RAB27A: variants seen among roughly 807,000 people sequenced by gnomAD.
RAB27A encodes the protein RAB27A, member RAS oncogene family, also known as ras-related protein Rab-27A.
A neutral mutation model predicts 20.8 loss-of-function variants in RAB27A; 17 were observed. That is an observed-to-expected ratio of 0.82 (90% CI 0.56 to 1.23). The LOEUF (loss-of-function observed/expected upper bound fraction) is 1.23. Among genes scored for constraint, RAB27A ranks in the 50% most tolerant of loss-of-function variants. The probability of loss-of-function intolerance (pLI) is 0.00; values close to 1 mark genes in which losing one functional copy is unlikely to be tolerated. For missense variants in RAB27A, 277 were observed against 266.7 expected (o/e 1.04, Z -0.27); for synonymous variants, 85 against 92.8 (o/e 0.92, Z 0.48).
At chr15:55,226,034 G>A (rs975209655) in intron 5 of RAB27A, among the ~76,000 whole-genome samples, 2 of 152,192 alleles carry the variant, frequency 1.3e-5, no homozygotes, top group Non-Finnish European at 2.9e-5. Flanking sequence ...AGAATAATGG[G>A]AATAAAAAAT....
intron 2 of RAB27A, among the ~76,000 whole-genome samples, chr15:55,250,356 T>C (rs1224245826): frequency 6.6e-6 from 1 of 152,246 alleles, no homozygotes; most frequent in African/African-American, 2.4e-5. Context: ...AGTTATTTAC[T>C]TATGCTACTT....
intron 3 of RAB27A, among the ~76,000 whole-genome samples, chr15:55,233,471 C>A (rs1297075566): frequency 4.6e-5 from 7 of 152,036 alleles, no homozygotes; most frequent in Non-Finnish European, 8.8e-5. Context: ...AATGGTGTAT[C>A]AATACAATAG....
At chr15:55,229,521 C>A (rs1318297784) in intron 4 of RAB27A, among the ~76,000 whole-genome samples, 1 of 151,888 alleles carries the variant, frequency 6.6e-6, no homozygotes, top group African/African-American at 2.4e-5. Flanking sequence ...ACTAAAAATA[C>A]AAAATTAGCT....
intron 2 of RAB27A, among the ~76,000 whole-genome samples, chr15:55,311,265 C>G (rs1340590400): frequency 6.6e-6 from 1 of 152,212 alleles, no homozygotes; most frequent in African/African-American, 2.4e-5. Context: ...CCTTGTAAAA[C>G]CTCAACATAG....
At position 55,237,146 on chromosome 15, in the gene RAB27A, G is replaced by A. The variant is rs112628432; in HGVS notation, c.-22-2190C>T. Among the ~76,000 whole-genome samples, 823 of 152,150 alleles carry A rather than the reference G, an allele frequency of 5.4e-3. 10 individuals carry two copies. The highest frequency in any genetic ancestry group is 0.019 in the African/African-American group (801 of 41,502). On this transcript the variant is annotated intron_variant, in intron 2 of 6. Coordinates refer to ENST00000336787, the MANE Select transcript of RAB27A (RefSeq NM_183235.3). The stretch of plus-strand genomic sequence containing the variant: ...CCTACATTGGATGCTACTGACTCCC[G>A]GCGTTATCCCCTTTTTACCCAGCAC...
intron 2 of RAB27A, among the ~76,000 whole-genome samples, chr15:55,297,034 T>C (rs1273918980): frequency 6.6e-6 from 1 of 152,188 alleles, no homozygotes; most frequent in Non-Finnish European, 1.5e-5. Context: ...GGATGCACAG[T>C]TATAGCAAGC....
chr15:55,318,531 C>G (rs1166418667), intron 1 of RAB27A, among the ~76,000 whole-genome samples: 2 of 150,840 alleles, frequency 1.3e-5, no homozygotes, highest in Non-Finnish European at 3.0e-5. Context: ...GGTGAAACCC[C>G]GTCTCTACAA....
chr15:55,250,541 C>T (rs1304844507), intron 2 of RAB27A, among the ~76,000 whole-genome samples: 6 of 152,198 alleles, frequency 3.9e-5, no homozygotes, highest in Non-Finnish European at 5.9e-5. Context: ...ATTCAGTAAA[C>T]GGCAGTCAAA....
intron 1 of RAB27A, among the ~76,000 whole-genome samples, chr15:55,316,764 T>C (rs1234157107): frequency 6.6e-6 from 1 of 152,168 alleles, no homozygotes; most frequent in East Asian, 1.9e-4. Context: ...AAAACATCTG[T>C]GTCATATCTG....
chr15:55,317,815 G>A (rs1337836631), intron 1 of RAB27A: 3 of 397,418 alleles, frequency 7.5e-6, no homozygotes, highest in Non-Finnish European at 1.3e-5. Context: ...TACAGCTCAA[G>A]GAAAAGCTGG....
intron 6 of RAB27A, among the ~76,000 whole-genome samples, chr15:55,211,077 T>C (rs1210968180): frequency 2.6e-5 from 4 of 152,194 alleles, no homozygotes; most frequent in South Asian, 2.1e-4. Context: ...TGTAAATGCA[T>C]GGATTTATAT....
Position 55,205,630 on chromosome 15 carries a change from T to C in RAB27A, c.543A>G (p.Ile181Met), listed in dbSNP as rs139025012. ...CCACACACCGTTCCATTCGCTTCAT[T>C]ATCAGGTCCAGAAGCATCTCAATTG... Reference protein sequence around the residue: ...SQAIEMLLDLIMKRMERCVDK... With the variant: ...SQAIEMLLDLMMKRMERCVDK... The change falls in exon 7 of 7, where the codon ATA becomes ATG. Residue 181 changes from isoleucine to methionine, a missense_variant. By Grantham distance (10) the Ile-to-Met change is conservative. Transcript: ENST00000336787. 1.4e-4 allele frequency: 225 copies of C among 1,613,966 alleles called. No homozygotes were observed. The highest frequency in any genetic ancestry group is 8.2e-4 in the Middle Eastern group (5 of 6,084).
intron 2 of RAB27A, among the ~76,000 whole-genome samples, chr15:55,300,842 A>T (rs1296991804): frequency 6.9e-6 from 1 of 144,458 alleles, no homozygotes; most frequent in Non-Finnish European, 1.5e-5. Context: ...GATCTAAGTC[A>T]TTTCACAGAC....
intron 2 of RAB27A, among the ~76,000 whole-genome samples, chr15:55,259,014 C>A (rs1220543478): frequency 6.6e-6 from 1 of 152,038 alleles, no homozygotes. Flanking sequence ...TGGGGTTTTC[C>A]CATGTTAGCC....
At chr15:55,233,250 C>T (rs981477703) in intron 3 of RAB27A, among the ~76,000 whole-genome samples, 2 of 151,984 alleles carry the variant, frequency 1.3e-5, no homozygotes, top group Non-Finnish European at 2.9e-5. Flanking sequence ...TGGGAGAAAA[C>T]AGAGCCACAT....
rs1290876478 is a variant in RAB27A at position 55,317,592 on chromosome 15, C to T, written c.-234+1339G>A. ...CCTCCCAAAGTGCTGGGATTACAGG[C>T]GTGAGCCACTGCGCCAGGCCTAACT... On this transcript the variant is annotated intron_variant, in intron 1 of 5. Transcript: ENST00000563262. 7 of 393,786 alleles carry T rather than the reference C, an allele frequency of 1.8e-5. No individual in the cohort carries two copies. The South Asian group carries it at 7.8e-4, about 44-fold the overall frequency. The allele number at this position is 393,786 out of a possible 1,614,324, so 24.4% of individuals were successfully genotyped here. A position where few individuals can be genotyped will look rare whatever the true frequency, so the allele number is the denominator to read the frequency against.
intron 1 of RAB27A, among the ~76,000 whole-genome samples, chr15:55,272,342 TGGGCCGAGATC>T (rs1313318159): frequency 6.6e-6 from 1 of 152,058 alleles, no homozygotes; most frequent in Non-Finnish European, 1.5e-5. Context: ...GAGCTTGCAG[TGGGCCGAGATC>T]GCACCAATGC....
intron 2 of RAB27A, among the ~76,000 whole-genome samples, chr15:55,266,199 A>G (rs537752760): frequency 8.5e-5 from 13 of 152,336 alleles, no homozygotes; most frequent in African/African-American, 3.1e-4. Flanking sequence ...GAGGCCAGAG[A>G]GCTACCTTTC....
At chr15:55,274,795 T>TATATATATATAC (rs1566932775) in intron 1 of RAB27A, among the ~76,000 whole-genome samples, 4 of 6,830 alleles carry the variant, frequency 5.9e-4, no homozygotes, top group African/African-American at 2.0e-3. Context: ...ATAAATAAAT[T>TATATATATATAC]ATATATATAT....
Sources: gnomAD v4.1 joint callset for allele counts (sites outside exome capture counted in the v4.1 genomes callset) on GRCh38, gnomAD v4.1.1 for gene constraint, MANE v1.5 for transcripts, NCBI Gene and HGNC (gene_info 2026-07-23, HGNC 2026-07-21) for gene names.